OPRM1: variants seen among roughly 807,000 people sequenced by gnomAD.
The protein encoded by OPRM1 is mu-type opioid receptor.
In OPRM1, 27 loss-of-function variants were observed where a neutral mutation model predicts 31.8. The observed-to-expected ratio is 0.85, with a 90% CI of 0.63 to 1.17. The LOEUF (loss-of-function observed/expected upper bound fraction) is 1.17, where lower values mean the gene tolerates loss of function less well. Ranked by LOEUF, OPRM1 falls within the 50% of genes most tolerant of loss-of-function variation. The probability of loss-of-function intolerance (pLI) is 0.00; values close to 1 mark genes in which losing one functional copy is unlikely to be tolerated. For synonymous variants in OPRM1, 196 were observed against 189.9 expected, an observed-to-expected ratio of 1.03 and a Z score of -0.26; for missense variants, 536 against 511.1, an observed-to-expected ratio of 1.05 and a Z score of -0.47.
rs964253954 is a variant in OPRM1 at position 154,120,628 on chromosome 6, A to T, written c.*1907A>T. Among the ~76,000 whole-genome samples, 13 of 152,212 alleles carry T rather than the reference A, an allele frequency of 8.5e-5. No homozygotes were observed. The highest frequency in any genetic ancestry group is 8.5e-4 in the Admixed American group (13 of 15,272). ...CTTCCAAAAGTAAAATGGATAATTC[A>T]AACAGAACACAATGTAATATTTGTA... is the stretch of plus-strand genomic sequence containing the variant. On this transcript the variant is annotated 3_prime_UTR_variant, in exon 4 of 4. Transcript: ENST00000330432.
chr6:154,175,411 A>G (rs1368238567), intron 3 of OPRM1, among the ~76,000 whole-genome samples: 1 of 151,820 alleles, frequency 6.6e-6, no homozygotes, highest in Non-Finnish European at 1.5e-5. Flanking sequence ...AAAGATCAAC[A>G]AAATAGATAG....
At chr6:154,105,962 G>A (rs893048537) in intron 3 of OPRM1, among the ~76,000 whole-genome samples, 2 of 151,956 alleles carry the variant, frequency 1.3e-5, no homozygotes, top group African/African-American at 4.8e-5. Flanking sequence ...ACATTTTTTT[G>A]TGTAAGAGCA....
intron 1 of OPRM1, among the ~76,000 whole-genome samples, chr6:154,012,640 T>A (rs540541850): frequency 6.6e-6 from 1 of 152,276 alleles, no homozygotes; most frequent in South Asian, 2.1e-4. Context: ...TTTTCAGCAA[T>A]GTTCAAAAGT....
chr6:154,156,087 T>A (rs1205536769), intron 3 of OPRM1: 1 of 152,248 alleles, frequency 6.6e-6, no homozygotes, highest in Non-Finnish European at 1.5e-5. Flanking sequence ...TTTAAATATA[T>A]GTTTTTCATC....
chr6:154,180,410 A>T (rs1223387393), intron 3 of OPRM1, among the ~76,000 whole-genome samples: 2,269 of 40,376 alleles, frequency 0.056, 33 homozygotes, highest in African/African-American at 0.15. Context: ...ATATATATAT[A>T]TATATTTTTT....
At chr6:154,155,837 C>T (rs1218682322) in intron 3 of OPRM1, 1 of 152,122 alleles carries the variant, frequency 6.6e-6, no homozygotes, top group East Asian at 1.9e-4. Flanking sequence ...TGAATTTAAA[C>T]ATGTCTTAAA....
At position 154,153,684 on chromosome 6, in the gene OPRM1, C is replaced by CAA. The variant is rs35352448; in HGVS notation, c.1164+62228_1164+62229dup. ...TGCGCGACAGAGTGAAACTCTATCT[C>CAA]AAAAAAAAAAAAAAAAAGCCCCAGG... On this transcript the variant is annotated intron_variant, in intron 3 of 3. Transcript: ENST00000337049. Among the ~76,000 whole-genome samples the CAA allele has an allele frequency of 6.0e-3, 541 of 89,470 alleles. 4 individuals carry two copies. The highest frequency in any genetic ancestry group is 0.019 in the African/African-American group (483 of 25,328). The allele number at this position is 89,470 out of a possible 152,430, so 58.7% of individuals were successfully genotyped here.
intron 1 of OPRM1, chr6:154,073,895 G>A (rs1787305020): frequency 6.6e-6 from 1 of 152,208 alleles, no homozygotes; most frequent in African/African-American, 2.4e-5. Context: ...GGGAGGCTGA[G>A]GCAGCAGAAT....
rs183822208 is a variant in OPRM1 at position 154,040,735 on chromosome 6, G to A, written c.290+901G>A. Among the ~76,000 whole-genome samples, 274 of 152,190 alleles carry A rather than the reference G, an allele frequency of 1.8e-3. 1 individual carries two copies. The highest frequency in any genetic ancestry group is 8.1e-4 in the Non-Finnish European group (55 of 67,996). ...TTGTGATGGGTGCTCTAGACAAAGTGTTCTTATCAAGTAAAATTAATTCAA... is the reference window on the plus strand; with the variant it reads ...TTGTGATGGGTGCTCTAGACAAAGTATTCTTATCAAGTAAAATTAATTCAA... On this transcript the variant is annotated intron_variant, in intron 1 of 3. Coordinates refer to ENST00000330432, the MANE Select transcript of OPRM1 (RefSeq NM_000914.5).
At chr6:154,046,457 A>C (rs1159514997) in intron 1 of OPRM1, among the ~76,000 whole-genome samples, 1 of 152,246 alleles carries the variant, frequency 6.6e-6, no homozygotes, top group Non-Finnish European at 1.5e-5. Flanking sequence ...AAACAAACAA[A>C]CAAAAAATCC....
intron 3 of OPRM1, chr6:154,160,139 A>G: frequency 1.1e-6 from 1 of 892,826 alleles, no homozygotes; most frequent in South Asian, 1.6e-5. Context: ...CATATACATA[A>G]AATTACCAAA....
Position 154,152,857 on chromosome 6 carries a change from G to A in OPRM1, c.1164+61385G>A, listed in dbSNP as rs939691673. 3.2e-4 allele frequency among the ~76,000 whole-genome samples: 49 copies of A among 151,300 alleles called. 1 individual carries two copies. Among genetic ancestry groups the A allele is most frequent in the Middle Eastern group, 7.0e-3 (2 of 286 alleles). ...GGATACTCCTGCCTCAGCCTCTCAC[G>A]TAGCTGGGACCTGGGACTACAGGCA... is the stretch of plus-strand genomic sequence containing the variant. On this transcript the variant is annotated intron_variant, in intron 3 of 3. Coordinates refer to the OPRM1 transcript ENST00000337049.
chr6:154,169,420 T>A (rs140717459), intron 3 of OPRM1, among the ~76,000 whole-genome samples: 1 of 152,260 alleles, frequency 6.6e-6, no homozygotes, highest in Non-Finnish European at 1.5e-5. Flanking sequence ...GGGGGAGTGA[T>A]TCATCCTGAG....
chr6:154,037,202 A>G (rs545111232), upstream of OPRM1, among the ~76,000 whole-genome samples: 27 of 152,152 alleles, frequency 1.8e-4, 1 homozygote, highest in South Asian at 5.2e-3. Flanking sequence ...ATCAAACACT[A>G]TTGTATCCAT....
intron 3 of OPRM1, among the ~76,000 whole-genome samples, chr6:154,110,748 G>A (rs766779536): frequency 1.3e-4 from 20 of 152,126 alleles, no homozygotes; most frequent in Middle Eastern, 3.4e-3. Context: ...CTTAGCAGGC[G>A]TGGTGGCGGG....
At chr6:154,188,392 G>A (rs181067687) in intron 3 of OPRM1, among the ~76,000 whole-genome samples, 1 of 152,336 alleles carries the variant, frequency 6.6e-6, no homozygotes, top group Non-Finnish European at 1.5e-5. Flanking sequence ...CCAATTTCAT[G>A]TACTGGAAAA....
At chr6:154,085,530 G>A (rs901158175) in intron 1 of OPRM1, among the ~76,000 whole-genome samples, 2 of 152,184 alleles carry the variant, frequency 1.3e-5, no homozygotes, top group East Asian at 1.9e-4. Context: ...CCACTGCTTC[G>A]AGCAGAAGAT....
chr6:154,185,516 A>T (rs1399612017), intron 3 of OPRM1, among the ~76,000 whole-genome samples: 1 of 152,246 alleles, frequency 6.6e-6, no homozygotes, highest in Non-Finnish European at 1.5e-5. Flanking sequence ...TGTATGGCTG[A>T]TATAATACAT....
At chr6:154,020,556 TAAA>T (rs1778306967) in intron 1 of OPRM1, among the ~76,000 whole-genome samples, 1 of 152,214 alleles carries the variant, frequency 6.6e-6, no homozygotes, top group African/African-American at 2.4e-5. Flanking sequence ...TTGAGAAACA[TAAA>T]AACACAACCG....
Sources: allele counts gnomAD v4.1 joint callset (sites outside exome capture counted in the v4.1 genomes callset), GRCh38; gene constraint gnomAD v4.1.1; transcripts MANE v1.5; gene names NCBI Gene and HGNC (gene_info 2026-07-23, HGNC 2026-07-21).